Variants in TCP11L2 observed in about 807,000 individuals in gnomAD.
TCP11L2 encodes t-complex 11 like 2.
Under a neutral mutation model 50.7 loss-of-function variants are expected in TCP11L2, and 39 were observed. That is an observed-to-expected ratio of 0.77 (90% CI 0.60 to 1.01). TCP11L2 has a LOEUF of 1.01. TCP11L2 is among the 50% of genes least tolerant of loss of function. The pLI is 0.00. For synonymous variants in TCP11L2, 192 were observed against 219.3 expected (o/e 0.88, Z 1.10); for missense variants, 612 against 614.7 (o/e 1.00, Z 0.05).
intron 6 of TCP11L2, among the ~76,000 whole-genome samples, chr12:106,327,098 T>C (rs2035574471): frequency 6.6e-6 from 1 of 152,246 alleles, no homozygotes; most frequent in East Asian, 1.9e-4. Flanking sequence ...GCTTGGAATC[T>C]TGAGCAAATT....
At position 106,346,732 on chromosome 12, in the gene TCP11L2, T is replaced by A; in HGVS notation, c.*202T>A. 6.0e-6 allele frequency: 3 copies of A among 499,858 alleles called. No homozygotes were observed. Among genetic ancestry groups the A allele is most frequent in the Non-Finnish European group, 1.0e-5 (3 of 296,742 alleles). 31.0% of individuals were successfully genotyped at this position (499,858 alleles called of 1,614,324 possible). On this transcript the variant is annotated 3_prime_UTR_variant, in exon 10 of 10. Coordinates refer to ENST00000299045, the MANE Select transcript of TCP11L2 (RefSeq NM_152772.3). ...GAAGACGTAAACATCACATAGACCC[T>A]ATTTGTGCATCATTTTCAAGTTTAA...
intron 6 of TCP11L2, chr12:106,329,255 C>T (rs1054528477): frequency 1.3e-6 from 2 of 1,513,072 alleles, no homozygotes; most frequent in Non-Finnish European, 1.8e-6. Context: ...GGTACAATAC[C>T]TGGGACTGAG....
At chr12:106,326,941 T>G (rs1233103995) in intron 6 of TCP11L2, among the ~76,000 whole-genome samples, 1 of 152,154 alleles carries the variant, frequency 6.6e-6, no homozygotes, top group Non-Finnish European at 1.5e-5. Context: ...TAAAGTGAAG[T>G]AGAACCCTAC....
chr12:106,345,968 G>A (rs755461877), intron 9 of TCP11L2, among the ~76,000 whole-genome samples: 3 of 152,142 alleles, frequency 2.0e-5, no homozygotes, highest in South Asian at 4.1e-4. Context: ...TTCTCATGGC[G>A]GTAGTAGGTA....
intron 9 of TCP11L2, 76 bp downstream of exon 9, chr12:106,341,074 C>A: frequency 7.8e-7 from 1 of 1,276,740 alleles, no homozygotes. Flanking sequence ...TTAAGTCAGT[C>A]AAATTTTGAT....
chr12:106,298,015 A>G (rs1023978123), upstream of TCP11L2, among the ~76,000 whole-genome samples: 2 of 152,180 alleles, frequency 1.3e-5, no homozygotes, highest in African/African-American at 4.8e-5. Flanking sequence ...GAGCACTAAG[A>G]ATATTTGTCT....
chr12:106,334,739 G>A (rs1228546637), intron 6 of TCP11L2, among the ~76,000 whole-genome samples: 1 of 152,132 alleles, frequency 6.6e-6, no homozygotes, highest in Non-Finnish European at 1.5e-5. Context: ...TCAGGAGATT[G>A]AGACCATCCT....
intron 8 of TCP11L2, among the ~76,000 whole-genome samples, chr12:106,336,584 C>T (rs950946727): frequency 1.7e-4 from 23 of 136,694 alleles, no homozygotes; most frequent in African/African-American, 5.7e-4. Flanking sequence ...GACAGAATCT[C>T]GCTCTGTCAC....
At chr12:106,323,425 T>C in intron 5 of TCP11L2, 85 bp from the exon 6 acceptor site, 1 of 1,260,128 alleles carries the variant, frequency 7.9e-7, no homozygotes, top group Non-Finnish European at 1.1e-6. Context: ...ATGTTTATTG[T>C]TTTCAGCCTG....
chr12:106,317,455 G>A (rs752053135), intron 3 of TCP11L2, among the ~76,000 whole-genome samples: 6 of 152,246 alleles, frequency 3.9e-5, no homozygotes, highest in Non-Finnish European at 7.3e-5. Flanking sequence ...GGCGGAGGCC[G>A]CAGTAAGCTG....
At chr12:106,305,642 C>A (rs997965944) in intron 1 of TCP11L2, among the ~76,000 whole-genome samples, 3 of 152,204 alleles carry the variant, frequency 2.0e-5, no homozygotes, top group Admixed American at 6.5e-5. Flanking sequence ...ACTCACTGAG[C>A]TCCTGCTCTA....
chr12:106,308,879 G>A (rs2034734570), intron 1 of TCP11L2, among the ~76,000 whole-genome samples: 1 of 152,166 alleles, frequency 6.6e-6, no homozygotes, highest in Non-Finnish European at 1.5e-5. Flanking sequence ...ATGAATACTT[G>A]TCATATACTT....
chr12:106,311,334 C>G lies in TCP11L2; in HGVS notation c.157+102C>G, dbSNP rs984203212. On this transcript the variant is annotated intron_variant, in intron 2 of 9. Transcript: ENST00000299045. ...CGCCTGAGAGCAACAGACTTCCCCT[C>G]CTTTCTAGATGCACCAGAATAGCAC... 6.7e-6 allele frequency: 9 copies of G among 1,341,368 alleles called. No individual in the cohort carries two copies. In the African/African-American group the frequency reaches 1.0e-4, roughly 15 times the overall value. 83.1% of individuals were successfully genotyped at this position (1,341,368 alleles called of 1,614,324 possible).
intron 6 of TCP11L2, among the ~76,000 whole-genome samples, chr12:106,335,284 C>T (rs2035876728): frequency 6.6e-6 from 1 of 152,212 alleles, no homozygotes; most frequent in African/African-American, 2.4e-5. Flanking sequence ...ATGCCATTTG[C>T]TACAACCCTC....
chr12:106,314,855 T>A (rs1421093648), intron 3 of TCP11L2, among the ~76,000 whole-genome samples: 1 of 151,170 alleles, frequency 6.6e-6, no homozygotes, highest in African/African-American at 2.4e-5. Flanking sequence ...AAAATAAAAA[T>A]ATTATCCAGC....
intron 1 of TCP11L2, among the ~76,000 whole-genome samples, chr12:106,308,900 A>G (rs1342066214): frequency 6.6e-6 from 1 of 152,208 alleles, no homozygotes; most frequent in Admixed American, 6.5e-5. Flanking sequence ...GGCGCTGGTC[A>G]TGGACAAGAC....
intron 6 of TCP11L2, among the ~76,000 whole-genome samples, chr12:106,330,923 T>A (rs2035727663): frequency 1.3e-5 from 2 of 152,214 alleles, no homozygotes; most frequent in Admixed American, 1.3e-4. Context: ...ATTGTAGTAA[T>A]ATTTAAGTGC....
In TCP11L2 at chr12:106,345,328, TG is replaced by T. The variant is rs201048918; in HGVS notation, c.1316-957del. Among the ~76,000 whole-genome samples, 588 of 152,292 alleles carry T rather than the reference TG, an allele frequency of 3.9e-3. 6 individuals carry two copies. The highest frequency in any genetic ancestry group is 0.016 in the East Asian group (84 of 5,176). On this transcript the variant is annotated intron_variant, in intron 9 of 9. Transcript: ENST00000299045. ...ATTTATTGTTCAACCAGGGTACTTT[TG>T]AGAGTCTCTTTTTAAAATTATGCCA...
At chr12:106,339,772 C>T (rs776892147) in intron 8 of TCP11L2, among the ~76,000 whole-genome samples, 4 of 152,144 alleles carry the variant, frequency 2.6e-5, no homozygotes, top group African/African-American at 7.2e-5. Context: ...GATAAAAAGT[C>T]GGAAGGTAAA....
Sources: gnomAD v4.1 joint callset for allele counts (sites outside exome capture counted in the v4.1 genomes callset) on GRCh38, gnomAD v4.1.1 for gene constraint, MANE v1.5 for transcripts, NCBI Gene and HGNC (gene_info 2026-07-23, HGNC 2026-07-21) for gene names.